The following MICAL3 variants were observed in gnomAD, a reference collection of about 807,000 sequenced individuals.
MICAL3 encodes the protein microtubule associated monooxygenase, calponin and LIM domain containing 3.
A neutral mutation model predicts 207.4 loss-of-function variants in MICAL3; 62 were observed. The ratio of observed to expected loss-of-function variants is 0.30; its 90% confidence interval spans 0.24 to 0.37. The LOEUF is 0.37. Among genes scored for constraint, MICAL3 ranks in the 10% least tolerant of loss-of-function variants. The probability of loss-of-function intolerance (pLI) is 1.00; values close to 1 mark genes in which losing one functional copy is unlikely to be tolerated. For missense variants in MICAL3, 2,368 were observed against 2,635.6 expected (o/e 0.90, Z 2.22); for synonymous variants, 1,077 against 1,069.3 (o/e 1.01, Z -0.14).
At chr22:17,922,618 A>C (rs2146300411) in intron 1 of MICAL3, among the ~76,000 whole-genome samples, 1 of 152,308 alleles carries the variant, frequency 6.6e-6, no homozygotes, top group South Asian at 2.1e-4. Context: ...GGGAAGACTC[A>C]TGCCCACAGG....
intron 19 of MICAL3, among the ~76,000 whole-genome samples, chr22:17,859,020 CTTAT>C (rs1267861062): frequency 6.6e-6 from 1 of 152,198 alleles, no homozygotes; most frequent in Non-Finnish European, 1.5e-5. Flanking sequence ...TACTGACTGA[CTTAT>C]TTCAGAGAAA....
intron 10 of MICAL3, 70 bp from the exon 11 acceptor site, chr22:17,893,974 A>C (rs767350658): frequency 1.1e-4 from 125 of 1,157,802 alleles, no homozygotes; most frequent in Non-Finnish European, 1.5e-4. Flanking sequence ...ACCTAAGAGC[A>C]GAATGGCTGA....
chr22:17,933,271 C>G (rs755791020), intron 1 of MICAL3, among the ~76,000 whole-genome samples: 1 of 152,232 alleles, frequency 6.6e-6, no homozygotes, highest in Non-Finnish European at 1.5e-5. Flanking sequence ...AACAAACTGT[C>G]TCTCAGACAA....
chr22:17,834,527 G>A (rs1329688357), intron 20 of MICAL3: 1 of 1,216,748 alleles, frequency 8.2e-7, no homozygotes, highest in Non-Finnish European at 1.1e-6. Context: ...ACCATCCTGG[G>A]CAACCATGGG....
intron 19 of MICAL3, chr22:17,863,528 T>C (rs1926738577): frequency 2.0e-6 from 2 of 985,436 alleles, no homozygotes; most frequent in South Asian, 4.7e-5. Context: ...ATCTTCAAGA[T>C]TGTAGAAGGT....
chr22:18,007,328 T>C (rs192504726), intron 1 of MICAL3: 31 of 152,374 alleles, frequency 2.0e-4, no homozygotes, highest in African/African-American at 7.2e-4. Flanking sequence ...TTTTCTGTAT[T>C]ATCTTTTTAA....
intron 1 of MICAL3, among the ~76,000 whole-genome samples, chr22:17,946,953 G>A (rs755131698): frequency 7.2e-5 from 11 of 152,216 alleles, no homozygotes; most frequent in Non-Finnish European, 1.5e-4. Context: ...GGGTGGGGAG[G>A]GCCCTGCTAT....
chr22:17,957,829 TAC>T (rs933045605), intron 1 of MICAL3, among the ~76,000 whole-genome samples: 11 of 151,584 alleles, frequency 7.3e-5, no homozygotes, highest in African/African-American at 9.7e-5. Context: ...GATGAAATGG[TAC>T]AGTCACAGGG....
At chr22:17,859,689 G>A (rs562856087) in intron 19 of MICAL3, among the ~76,000 whole-genome samples, 29 of 152,258 alleles carry the variant, frequency 1.9e-4, no homozygotes, top group African/African-American at 6.0e-4. Flanking sequence ...CTGCGGGCAC[G>A]CCTGGCAGAG....
intron 19 of MICAL3, chr22:17,862,638 A>T: frequency 1.0e-6 from 1 of 985,356 alleles, no homozygotes; most frequent in Non-Finnish European, 1.2e-6. Context: ...TTAAAGAAGG[A>T]AATCTCTATC....
At chr22:17,871,719 C>CA (rs1386876284) in intron 17 of MICAL3, 118 bp downstream of exon 17, 15 of 859,580 alleles carry the variant, frequency 1.7e-5, no homozygotes, top group Non-Finnish European at 2.6e-5. Context: ...CTGGGAGAGG[C>CA]ATGATGGAAA....
In MICAL3 at chr22:17,823,088, GAAGAA is replaced by G. The variant is rs2146022357; in HGVS notation, c.3194-33_3194-29del. ...GCAAAGCAGAAAGGTTCAAAGGAAGGAAGAAAAGGAGGACAGACAGACAGGCTGCA... is the reference window on the plus strand; with the variant it reads ...GCAAAGCAGAAAGGTTCAAAGGAAGGAAGGAGGACAGACAGACAGGCTGCA... On this transcript the variant is annotated intron_variant, in intron 22 of 31. Transcript: ENST00000441493. 3.4e-6 allele frequency: 5 copies of G among 1,449,630 alleles called. No homozygotes were observed. In the East Asian group the frequency reaches 1.1e-4, roughly 33 times the overall value. 89.8% of individuals were successfully genotyped at this position (1,449,630 alleles called of 1,614,324 possible). A position where few individuals can be genotyped will look rare whatever the true frequency, so the allele number is the denominator to read the frequency against.
At chr22:18,016,461 T>A (rs1924059611) in intron 1 of MICAL3, among the ~76,000 whole-genome samples, 1 of 152,174 alleles carries the variant, frequency 6.6e-6, no homozygotes, top group African/African-American at 2.4e-5. Flanking sequence ...GACAGGTCAC[T>A]GAATGGTTCT....
At chr22:18,015,676 C>T (rs1186244910) in intron 1 of MICAL3, among the ~76,000 whole-genome samples, 2 of 151,972 alleles carry the variant, frequency 1.3e-5, no homozygotes, top group Admixed American at 6.6e-5. Context: ...CCTCCGACCA[C>T]GCGCGACCCT....
intron 1 of MICAL3, among the ~76,000 whole-genome samples, chr22:17,972,301 T>C (rs1443507215): frequency 6.6e-6 from 1 of 152,060 alleles, no homozygotes; most frequent in Non-Finnish European, 1.5e-5. Context: ...CCAGATGAAA[T>C]GTTCAAGTCA....
intron 1 of MICAL3, among the ~76,000 whole-genome samples, chr22:17,989,791 T>C (rs968604086): frequency 6.6e-6 from 1 of 152,216 alleles, no homozygotes; most frequent in Non-Finnish European, 1.5e-5. Flanking sequence ...ATCCCCTAAC[T>C]TGCAGGGCTG....
At chr22:17,965,024 G>A (rs1569149731) in intron 1 of MICAL3, among the ~76,000 whole-genome samples, 1 of 152,112 alleles carries the variant, frequency 6.6e-6, no homozygotes. Context: ...CTGCCCCCAG[G>A]TGTCTCCCAC....
At chr22:17,804,236 G>C (rs370630991) in intron 29 of MICAL3, among the ~76,000 whole-genome samples, 1 of 152,134 alleles carries the variant, frequency 6.6e-6, no homozygotes, top group Non-Finnish European at 1.5e-5. Flanking sequence ...TTAATAGAGC[G>C]GGGCTGCCTG....
chr22:17,957,903 T>C (rs763650010), intron 1 of MICAL3, among the ~76,000 whole-genome samples: 43 of 152,112 alleles, frequency 2.8e-4, no homozygotes, highest in Non-Finnish European at 5.7e-4. Context: ...AAGACAGCTG[T>C]GGTGGCTGGA....
Sources: allele counts gnomAD v4.1 joint callset (sites outside exome capture counted in the v4.1 genomes callset), GRCh38; gene constraint gnomAD v4.1.1; transcripts MANE v1.5; gene names NCBI Gene and HGNC (gene_info 2026-07-23, HGNC 2026-07-21).